Variants in TMEM50B observed in about 807,000 individuals in gnomAD.
TMEM50B encodes the protein transmembrane protein 50B, also known as HCV p7-trans-regulated protein 3.
A neutral mutation model predicts 23.4 loss-of-function variants in TMEM50B; 14 were observed. The observed-to-expected ratio is 0.60, with a 90% CI of 0.39 to 0.93. The LOEUF is 0.93. Ranked by LOEUF, TMEM50B falls within the 40% of genes least tolerant of loss-of-function variation. The pLI, the probability that TMEM50B is intolerant of heterozygous loss-of-function variation, is 0.00. For synonymous variants in TMEM50B, 64 were observed against 62.3 expected, an observed-to-expected ratio of 1.03 and a Z score of -0.13; for missense variants, 159 against 193.0, an observed-to-expected ratio of 0.82 and a Z score of 1.04.
intron 8 of TMEM50B, among the ~76,000 whole-genome samples, chr21:33,435,786 G>A (rs1415972322): frequency 1.3e-5 from 2 of 150,034 alleles, no homozygotes; most frequent in Non-Finnish European, 2.9e-5. Context: ...GGGAGGCTGA[G>A]GCAGGAGAAT....
At chr21:33,474,594 G>A (rs546470008) in intron 1 of TMEM50B, among the ~76,000 whole-genome samples, 1 of 147,904 alleles carries the variant, frequency 6.8e-6, no homozygotes, top group African/African-American at 2.5e-5. Flanking sequence ...CACCAGCCTG[G>A]TGAAACCCTG....
Position 33,449,875 on chromosome 21 carries a change from G to C in TMEM50B, c.*943C>G, listed in dbSNP as rs1216978345. Reference sequence around the variant, plus strand: ...CTGCTTTTACGAGAAGCATGGTGCTGAGCTGCCTTACACAGTCTTTTTACA... The same window carrying C: ...CTGCTTTTACGAGAAGCATGGTGCTCAGCTGCCTTACACAGTCTTTTTACA... On this transcript the variant is annotated 3_prime_UTR_variant, in exon 7 of 7. Coordinates refer to ENST00000542230, the MANE Select transcript of TMEM50B (RefSeq NM_006134.7). The C allele has an allele frequency of 1.3e-5, 2 of 152,606 alleles. No homozygotes were observed. The highest frequency in any genetic ancestry group is 2.9e-5 in the Non-Finnish European group (2 of 68,034). The allele number at this position is 152,606 out of a possible 1,614,324, so 9.5% of individuals were successfully genotyped here. A position where few individuals can be genotyped will look rare whatever the true frequency, so the allele number is the denominator to read the frequency against.
chr21:33,460,580 G>A (rs2084208660), intron 4 of TMEM50B, 75 bp from the exon 5 acceptor site: 1 of 796,338 alleles, frequency 1.3e-6, no homozygotes, highest in Non-Finnish European at 2.0e-6. Flanking sequence ...ATAATACTAG[G>A]AGCCCTGTTA....
chr21:33,450,797 A>T lies in TMEM50B; in HGVS notation c.*21T>A. On this transcript the variant is annotated 3_prime_UTR_variant, in exon 7 of 7. Coordinates refer to ENST00000542230, the MANE Select transcript of TMEM50B (RefSeq NM_006134.7). ...TACAAACAGAATATAACAAAAGGAA[A>T]ATGTGACTTAAGAAGTGATCTCAGG... is the stretch of plus-strand genomic sequence containing the variant. 1 of 1,605,474 alleles carries T rather than the reference A, an allele frequency of 6.2e-7. No homozygotes were observed. Among genetic ancestry groups the T allele is most frequent in the Non-Finnish European group, 8.5e-7 (1 of 1,175,104 alleles).
chr21:33,465,147 GACAAAAACA>G, intron 4 of TMEM50B, 186 bp downstream of exon 4: 1 of 482,532 alleles, frequency 2.1e-6, no homozygotes, highest in East Asian at 3.2e-5. Flanking sequence ...AGTGTAACAT[GACAAAAACA>G]GTAACTTCTA....
chr21:33,472,753 TC>T (rs1371587495), intron 1 of TMEM50B, among the ~76,000 whole-genome samples: 1 of 151,780 alleles, frequency 6.6e-6, no homozygotes, highest in African/African-American at 2.4e-5. Flanking sequence ...ATGCCTGTAA[TC>T]CCAGCTACTT....
chr21:33,462,591 G>T (rs1047773618), intron 4 of TMEM50B, among the ~76,000 whole-genome samples: 1 of 152,114 alleles, frequency 6.6e-6, no homozygotes, highest in African/African-American at 2.4e-5. Flanking sequence ...AGGATTGCTT[G>T]AGCCCAGGAG....
Position 33,468,813 on chromosome 21 carries a change from C to CA in TMEM50B, c.72dup (p.Val25CysfsTer19), listed in dbSNP as rs769054471. ...AATATACCTGCGACAACAGATGCCA[C>CA]AGCATTTCTTCTCTCACTCCAGTCA... On this transcript the variant is annotated frameshift_variant, in exon 2 of 7. Coordinates refer to ENST00000542230, the MANE Select transcript of TMEM50B (RefSeq NM_006134.7). LOFTEE classifies it high-confidence loss of function. 1 of 1,614,008 alleles carries CA rather than the reference C, an allele frequency of 6.2e-7. No homozygotes were observed. Among genetic ancestry groups the CA allele is most frequent in the Non-Finnish European group, 8.5e-7 (1 of 1,179,982 alleles).
At chr21:33,441,048 G>A (rs1342197176) in intron 7 of TMEM50B, among the ~76,000 whole-genome samples, 1 of 151,776 alleles carries the variant, frequency 6.6e-6, no homozygotes, top group Admixed American at 6.6e-5. Flanking sequence ...TGGCCAACAA[G>A]GTGACACCCT....
intron 1 of TMEM50B, among the ~76,000 whole-genome samples, chr21:33,478,614 G>A (rs1232550335): frequency 6.6e-6 from 1 of 152,152 alleles, no homozygotes; most frequent in Non-Finnish European, 1.5e-5. Context: ...GGTGGTGAGT[G>A]GGAAGGCTGT....
intron 5 of TMEM50B, among the ~76,000 whole-genome samples, chr21:33,459,269 G>A (rs540370835): frequency 1.3e-5 from 2 of 152,336 alleles, no homozygotes; most frequent in South Asian, 4.1e-4. Context: ...TCAGCATGGT[G>A]TAATAAGAGC....
intron 8 of TMEM50B, among the ~76,000 whole-genome samples, chr21:33,438,402 G>T (rs2083977651): frequency 6.6e-6 from 1 of 152,200 alleles, no homozygotes; most frequent in African/African-American, 2.4e-5. Context: ...GCAATAAAGA[G>T]AATTAACTGA....
chr21:33,447,681 T>TATAC (rs1320796429), downstream of TMEM50B, among the ~76,000 whole-genome samples: 34 of 132,128 alleles, frequency 2.6e-4, no homozygotes, highest in African/African-American at 8.3e-4. Context: ...TGTATAGAAA[T>TATAC]ACACACACAC....
intron 8 of TMEM50B, among the ~76,000 whole-genome samples, chr21:33,435,535 C>A: frequency 6.6e-6 from 1 of 152,140 alleles, no homozygotes; most frequent in Admixed American, 6.6e-5. Flanking sequence ...ACATGGTCAG[C>A]CCTGGGATGA....
chr21:33,466,335 G>T (rs1388179958), intron 3 of TMEM50B, among the ~76,000 whole-genome samples: 1 of 152,004 alleles, frequency 6.6e-6, no homozygotes, highest in Non-Finnish European at 1.5e-5. Context: ...ATTGTTAAAA[G>T]ACATCCATAA....
At chr21:33,466,688 A>G (rs2084267166) in intron 3 of TMEM50B, among the ~76,000 whole-genome samples, 1 of 152,164 alleles carries the variant, frequency 6.6e-6, no homozygotes, top group Non-Finnish European at 1.5e-5. Context: ...ACTGACTGTA[A>G]GATGCATCCT....
At chr21:33,462,861 G>A (rs964347818) in intron 4 of TMEM50B, among the ~76,000 whole-genome samples, 1 of 152,114 alleles carries the variant, frequency 6.6e-6, no homozygotes, top group Non-Finnish European at 1.5e-5. Flanking sequence ...AAAAGTAAGC[G>A]CGATCGCATG....
intron 5 of TMEM50B, among the ~76,000 whole-genome samples, chr21:33,457,181 G>A (rs543782985): frequency 2.0e-5 from 3 of 152,114 alleles, no homozygotes; most frequent in South Asian, 4.2e-4. Context: ...TTGAACCCAG[G>A]AGGCAGAGGT....
chr21:33,451,558 A>G (rs73195837), intron 6 of TMEM50B, among the ~76,000 whole-genome samples: 13,688 of 152,248 alleles, frequency 0.09, 893 homozygotes, highest in Non-Finnish European at 0.14. Flanking sequence ...TTGAGATCCA[A>G]AAGAAGAGGG....
Sources: allele counts gnomAD v4.1 joint callset (sites outside exome capture counted in the v4.1 genomes callset), GRCh38; gene constraint gnomAD v4.1.1; transcripts MANE v1.5; gene names NCBI Gene and HGNC (gene_info 2026-07-23, HGNC 2026-07-21).